Variants in ZMYM4 observed in about 807,000 individuals in gnomAD.
The protein encoded by ZMYM4 is zinc finger MYM-type protein 4.
Under a neutral mutation model 183.2 loss-of-function variants are expected in ZMYM4, and 31 were observed. That is an observed-to-expected ratio of 0.17 (90% CI 0.13 to 0.23). ZMYM4 has a LOEUF of 0.23. ZMYM4 is among the 10% of genes least tolerant of loss of function. The pLI is 1.00. For missense variants in ZMYM4, 1,273 were observed against 1,840.3 expected (o/e 0.69, Z 5.64); for synonymous variants, 592 against 631.2 (o/e 0.94, Z 0.93).
Position 35,398,434 on chromosome 1 carries a change from AACTCTTTCTAG to A in ZMYM4, c.3224_3234del (p.Leu1075HisfsTer5). The A allele has an allele frequency of 6.2e-7, 1 of 1,611,772 alleles. No individual in the cohort carries two copies. On this transcript the variant is annotated frameshift_variant, in exon 21 of 30. Coordinates refer to ENST00000314607, the MANE Select transcript of ZMYM4 (RefSeq NM_005095.3). LOFTEE classifies it high-confidence loss of function. ...TTAGAGTCCCAAACTTCTGAACACG[AACTCTTTCTAG>A]ACACCAAGATATTTGAAAAAGGTTT...
At chr1:35,332,032 C>G (rs948503531) in intron 2 of ZMYM4, among the ~76,000 whole-genome samples, 1 of 151,750 alleles carries the variant, frequency 6.6e-6, no homozygotes, top group Admixed American at 6.6e-5. Flanking sequence ...ATTTTGTTAT[C>G]TAGAATACAT....
intron 9 of ZMYM4, 93 bp downstream of exon 9, chr1:35,381,851 A>G (rs1439300969): frequency 3.4e-6 from 5 of 1,482,764 alleles, no homozygotes; most frequent in Middle Eastern, 1.8e-4. Flanking sequence ...GTTTTGCAAT[A>G]TTGGGTTTAC....
At position 35,381,761 on chromosome 1, in the gene ZMYM4, A is replaced by G; in HGVS notation, c.1569+3A>G. The G allele has an allele frequency of 6.2e-7, 1 of 1,613,680 alleles. No individual in the cohort carries two copies. Among genetic ancestry groups the G allele is most frequent in the Non-Finnish European group, 8.5e-7 (1 of 1,179,858 alleles). ...CGTGTATCACGGCATACAAGCAGGT[A>G]CATGACCATATTTAATCTTGATGTC... On this transcript the variant is annotated splice_donor_region_variant and intron_variant, in intron 9 of 29. Coordinates refer to ENST00000314607, the MANE Select transcript of ZMYM4 (RefSeq NM_005095.3).
chr1:35,395,198 CTT>C (rs200080316), intron 18 of ZMYM4, among the ~76,000 whole-genome samples: 27 of 132,680 alleles, frequency 2.0e-4, no homozygotes, highest in Non-Finnish European at 2.1e-4. Context: ...TGATTTAGTT[CTT>C]TTTTTTTTTT....
intron 1 of ZMYM4, among the ~76,000 whole-genome samples, chr1:35,289,818 G>A (rs1224027023): frequency 6.6e-6 from 1 of 151,990 alleles, no homozygotes; most frequent in Non-Finnish European, 1.5e-5. Flanking sequence ...AATACCACTG[G>A]TCCAGATACT....
chr1:35,352,029 CT>C (rs1449060011), intron 2 of ZMYM4, among the ~76,000 whole-genome samples: 1 of 152,146 alleles, frequency 6.6e-6, no homozygotes, highest in Non-Finnish European at 1.5e-5. Context: ...ACTCACTGCT[CT>C]TTATTAGAGC....
intron 19 of ZMYM4, chr1:35,396,909 C>A: frequency 1.8e-6 from 1 of 547,430 alleles, no homozygotes; most frequent in Non-Finnish European, 2.5e-6. Flanking sequence ...CACAATAAGA[C>A]CACTCAAATA....
intron 1 of ZMYM4, among the ~76,000 whole-genome samples, chr1:35,308,114 C>G (rs1641629146): frequency 6.6e-6 from 1 of 152,178 alleles, no homozygotes; most frequent in Admixed American, 6.5e-5. Flanking sequence ...GCCTCAGCCT[C>G]CTGCGTAGCT....
At chr1:35,411,826 C>T (rs1639910553) in intron 26 of ZMYM4, among the ~76,000 whole-genome samples, 1 of 152,076 alleles carries the variant, frequency 6.6e-6, no homozygotes, top group South Asian at 2.1e-4. Flanking sequence ...ATTTTGGTTA[C>T]ATTTCTTCTC....
chr1:35,354,705 C>T (rs1224166319), intron 2 of ZMYM4, among the ~76,000 whole-genome samples: 1 of 116,274 alleles, frequency 8.6e-6, no homozygotes, highest in Non-Finnish European at 1.6e-5. Context: ...CGAGCCTGGG[C>T]GACAGAGTGA....
intron 1 of ZMYM4, among the ~76,000 whole-genome samples, chr1:35,318,623 A>T (rs1642156927): frequency 6.6e-6 from 1 of 151,602 alleles, no homozygotes; most frequent in African/African-American, 2.4e-5. Context: ...ACACCTGGCT[A>T]ATTTTTGTAT....
intron 5 of ZMYM4, among the ~76,000 whole-genome samples, chr1:35,367,470 C>A (rs747704941): frequency 6.6e-6 from 1 of 151,806 alleles, no homozygotes; most frequent in Admixed American, 6.6e-5. Context: ...CTCAGGTGAT[C>A]CACCCACCTC....
rs188166479 is a variant in ZMYM4 at position 35,273,877 on chromosome 1, A to G, written c.39+4792A>G. ...AAAAAGTATTCATGGTATAATGCTAAGTGAAAATGTAGACTATAAAATGTT... is the reference window on the plus strand; with the variant it reads ...AAAAAGTATTCATGGTATAATGCTAGGTGAAAATGTAGACTATAAAATGTT... On this transcript the variant is annotated intron_variant, in intron 1 of 29. Transcript: ENST00000314607. Among the ~76,000 whole-genome samples the G allele has an allele frequency of 2.4e-3, 358 of 152,316 alleles. 1 individual carries two copies. Among genetic ancestry groups the G allele is most frequent in the African/African-American group, 8.4e-3 (351 of 41,556 alleles).
In ZMYM4 at chr1:35,389,826, C is replaced by CA. The variant is rs1358353189; in HGVS notation, c.2437-119dup. 1 of 836,366 alleles carries CA rather than the reference C, an allele frequency of 1.2e-6. No individual in the cohort carries two copies. The highest frequency in any genetic ancestry group is 1.8e-6 in the Non-Finnish European group (1 of 559,282). The allele number at this position is 836,366 out of a possible 1,614,324, so 51.8% of individuals were successfully genotyped here. On this transcript the variant is annotated intron_variant, in intron 14 of 29. Transcript: ENST00000314607. The surrounding 1 kb of genome is among the most constrained non-coding windows in gnomAD (Gnocchi z 4.0). ...GTGTGTGTATAATCATTGATAAAGA[C>CA]AAACTAATTTTTTGATCTAAATTCT...
At chr1:35,360,904 G>C (rs1370650306) in intron 3 of ZMYM4, among the ~76,000 whole-genome samples, 2 of 151,610 alleles carry the variant, frequency 1.3e-5, no homozygotes, top group African/African-American at 4.8e-5. Context: ...AAGTAGAAAT[G>C]GGGGAGAACA....
intron 1 of ZMYM4, among the ~76,000 whole-genome samples, chr1:35,304,313 C>T (rs747484653): frequency 1.6e-4 from 24 of 152,096 alleles, no homozygotes; most frequent in African/African-American, 5.1e-4. Flanking sequence ...CGTGAGCCAC[C>T]GCGCCCGGCC....
intron 1 of ZMYM4, among the ~76,000 whole-genome samples, chr1:35,298,024 C>T (rs1641101914): frequency 6.6e-6 from 1 of 152,202 alleles, no homozygotes. Flanking sequence ...GAGGGAGCGG[C>T]CACTGCCTCT....
chr1:35,399,815 A>G (rs1418300845), intron 23 of ZMYM4, among the ~76,000 whole-genome samples: 1 of 151,994 alleles, frequency 6.6e-6, no homozygotes, highest in East Asian at 1.9e-4. Context: ...ACTTTAAAAA[A>G]CTTTTTATAG....
intron 1 of ZMYM4, among the ~76,000 whole-genome samples, chr1:35,297,478 CAA>C (rs548995290): frequency 6.3e-5 from 8 of 126,820 alleles, no homozygotes; most frequent in Non-Finnish European, 7.0e-5. Flanking sequence ...GTGCTTGTCA[CAA>C]AAAAAAAAAA....
Sources: allele counts gnomAD v4.1 joint callset (sites outside exome capture counted in the v4.1 genomes callset), GRCh38; gene constraint gnomAD v4.1.1; non-coding constraint Gnocchi (gnomAD v3.1); transcripts MANE v1.5; gene names NCBI Gene and HGNC (gene_info 2026-07-23, HGNC 2026-07-21).